The following HLCS variants were observed in gnomAD, a reference collection of about 807,000 sequenced individuals.
HLCS encodes the protein biotin--protein ligase.
Under a neutral mutation model 75.0 loss-of-function variants are expected in HLCS, and 53 were observed. That is an observed-to-expected ratio of 0.71 (90% CI 0.57 to 0.89). The LOEUF is 0.89. HLCS is among the 40% of genes least tolerant of loss of function. HLCS has a pLI of 0.00. For missense variants in HLCS, 966 were observed against 1,074.0 expected, an observed-to-expected ratio of 0.90 and a Z score of 1.41; for synonymous variants, 431 against 428.6, an observed-to-expected ratio of 1.01 and a Z score of -0.07.
At chr21:36,895,433 G>C (rs1003646981) in intron 6 of HLCS, among the ~76,000 whole-genome samples, 1 of 152,076 alleles carries the variant, frequency 6.6e-6, no homozygotes, top group Non-Finnish European at 1.5e-5. Flanking sequence ...GTGGAAACAG[G>C]AGAGTTAAGA....
intron 1 of HLCS, among the ~76,000 whole-genome samples, chr21:36,965,565 G>T (rs73901979): frequency 0.041 from 6,278 of 152,238 alleles, 277 homozygotes; most frequent in African/African-American, 0.12. Context: ...AACAAAGGCT[G>T]ACTGTCAACT....
chr21:36,980,262 G>T (rs768910358), intron 1 of HLCS: 2 of 151,492 alleles, frequency 1.3e-5, no homozygotes, highest in Non-Finnish European at 2.9e-5. Context: ...GTTATAAAAT[G>T]ATAAAGCCCT....
intron 2 of HLCS, among the ~76,000 whole-genome samples, chr21:36,946,821 G>A (rs1429651874): frequency 6.6e-6 from 1 of 152,108 alleles, no homozygotes. Flanking sequence ...CACAGCCAAG[G>A]GAAGCAGAAT....
rs1268139956 is a variant in HLCS, at chr21:36,752,421, T to C, written c.*1825A>G. ...CCCAAAGAAATTCAAAAAGTGATGA[T>C]GGCAGCTCTGAGAGAGGGCTTGCCT... On this transcript the variant is annotated 3_prime_UTR_variant, in exon 11 of 11. Coordinates refer to ENST00000674895, the MANE Select transcript of HLCS (RefSeq NM_001352514.2). 6.6e-6 allele frequency: 1 copy of C among 152,502 alleles called. No individual in the cohort carries two copies. Among genetic ancestry groups the C allele is most frequent in the Non-Finnish European group, 1.5e-5 (1 of 68,036 alleles). 9.4% of individuals were successfully genotyped at this position (152,502 alleles called of 1,614,324 possible).
chr21:36,876,480 C>T (rs1018290194), intron 6 of HLCS, among the ~76,000 whole-genome samples: 1 of 152,272 alleles, frequency 6.6e-6, no homozygotes, highest in East Asian at 1.9e-4. Context: ...CAAAACAGTT[C>T]GTACTTTCCC....
chr21:36,825,418 T>G (rs1237144308), intron 6 of HLCS, among the ~76,000 whole-genome samples: 1 of 152,162 alleles, frequency 6.6e-6, no homozygotes, highest in Non-Finnish European at 1.5e-5. Context: ...TTATTATTAT[T>G]GTCTTTGTGT....
intron 6 of HLCS, among the ~76,000 whole-genome samples, chr21:36,855,762 G>A (rs2063170468): frequency 6.6e-6 from 1 of 151,904 alleles, no homozygotes. Context: ...TTTTTTTGTA[G>A]AGATGGGGTT....
At chr21:36,891,710 G>T (rs2064794301) in intron 6 of HLCS, among the ~76,000 whole-genome samples, 2 of 152,166 alleles carry the variant, frequency 1.3e-5, no homozygotes, top group African/African-American at 4.8e-5. Context: ...TCTCAGCAAG[G>T]TTCAATCAAG....
intron 6 of HLCS, among the ~76,000 whole-genome samples, chr21:36,848,700 T>C (rs2062882285): frequency 6.6e-6 from 1 of 152,266 alleles, no homozygotes; most frequent in Admixed American, 6.5e-5. Context: ...GACCAATCAA[T>C]CTGCCTTTTT....
chr21:36,838,327 CA>C (rs2062489692), intron 6 of HLCS, among the ~76,000 whole-genome samples: 3 of 151,574 alleles, frequency 2.0e-5, no homozygotes, highest in African/African-American at 4.9e-5. Context: ...CACACACACA[CA>C]CCCCCACAAC....
chr21:36,922,439 A>G (rs1296508874), intron 5 of HLCS, among the ~76,000 whole-genome samples: 1 of 152,196 alleles, frequency 6.6e-6, no homozygotes, highest in Non-Finnish European at 1.5e-5. Context: ...TTGTACTGGA[A>G]ACATGGTAGT....
At chr21:36,791,776 T>A (rs2060874012) in intron 6 of HLCS, among the ~76,000 whole-genome samples, 1 of 152,110 alleles carries the variant, frequency 6.6e-6, no homozygotes. Flanking sequence ...CCAAGGGGCC[T>A]GTTTGCTGGA....
At chr21:36,766,753 GTGTGAATGGGCACTGA>G (rs1293102675) in intron 7 of HLCS, among the ~76,000 whole-genome samples, 3 of 152,308 alleles carry the variant, frequency 2.0e-5, no homozygotes, top group Admixed American at 2.0e-4. Context: ...TGTGGTCACT[GTGTGAATGGGCACTGA>G]TGCAGAGCCC....
At chr21:36,869,625 G>A (rs1180724762) in intron 6 of HLCS, among the ~76,000 whole-genome samples, 2 of 151,946 alleles carry the variant, frequency 1.3e-5, no homozygotes, top group South Asian at 2.1e-4. Context: ...CATGATACAC[G>A]GAGAACAAAA....
intron 6 of HLCS, among the ~76,000 whole-genome samples, chr21:36,791,651 G>C (rs2060868160): frequency 2.0e-5 from 3 of 152,066 alleles, no homozygotes. Context: ...GGGGGTGATG[G>C]GGAATATGGC....
Position 36,766,711 on chromosome 21 carries a change from G to A in HLCS, c.1960+507C>T, listed in dbSNP as rs150258154. ...GGGCTCTCGTCTCCGGGATCTGCAG[G>A]TGGTGGAGCCCTGGGCAGCGCTCTG... On this transcript the variant is annotated intron_variant, in intron 7 of 10. Transcript: ENST00000674895. 5.8e-3 allele frequency among the ~76,000 whole-genome samples: 889 copies of A among 152,180 alleles called. 19 individuals carry two copies. The highest frequency in any genetic ancestry group is 0.017 in the Admixed American group (259 of 15,292).
At chr21:36,960,124 G>GCC (rs1276735967) in intron 2 of HLCS, among the ~76,000 whole-genome samples, 5 of 19,308 alleles carry the variant, frequency 2.6e-4, no homozygotes, top group Admixed American at 5.5e-4. Context: ...CTTGCATGGA[G>GCC]CCACCCACCC....
chr21:36,829,852 T>C (rs1021443444), intron 6 of HLCS, among the ~76,000 whole-genome samples: 2 of 152,308 alleles, frequency 1.3e-5, no homozygotes, highest in Middle Eastern at 3.4e-3. Flanking sequence ...AGCTACACTA[T>C]ATGAGCTCAC....
At chr21:36,823,504 G>A (rs2061908294) in intron 6 of HLCS, among the ~76,000 whole-genome samples, 1 of 152,074 alleles carries the variant, frequency 6.6e-6, no homozygotes, top group South Asian at 2.1e-4. Context: ...GATGCAAGAC[G>A]ACTCAGGAAT....
Sources: gnomAD v4.1 joint callset for allele counts (sites outside exome capture counted in the v4.1 genomes callset) on GRCh38, gnomAD v4.1.1 for gene constraint, MANE v1.5 for transcripts, NCBI Gene and HGNC (gene_info 2026-07-23, HGNC 2026-07-21) for gene names.